The following DNAI4 variants were observed in gnomAD, a reference collection of about 807,000 sequenced individuals.
DNAI4 encodes WD repeat domain 78.
In DNAI4, 85 loss-of-function variants were observed where a neutral mutation model predicts 105.8. The ratio of observed to expected loss-of-function variants is 0.80; its 90% CI spans 0.67 to 0.96. The LOEUF is 0.96. Among genes scored for constraint, DNAI4 ranks in the 40% least tolerant of loss-of-function variants. The pLI is 0.00. For synonymous variants in DNAI4, 352 were observed against 331.5 expected, an observed-to-expected ratio of 1.06 and a Z score of -0.67; for missense variants, 1,014 against 1,005.6, an observed-to-expected ratio of 1.01 and a Z score of -0.11.
intron 13 of DNAI4, among the ~76,000 whole-genome samples, chr1:66,830,501 G>A (rs1044574352): frequency 1.3e-5 from 2 of 151,916 alleles, no homozygotes; most frequent in Non-Finnish European, 2.9e-5. Context: ...ATTAGGCCAG[G>A]CGCGGTGGCC....
At chr1:66,899,259 T>C (rs1306932838) in intron 2 of DNAI4, among the ~76,000 whole-genome samples, 1 of 152,180 alleles carries the variant, frequency 6.6e-6, no homozygotes, top group African/African-American at 2.4e-5. Context: ...TTCTAGCACT[T>C]GTTATGTGAC....
intron 1 of DNAI4, among the ~76,000 whole-genome samples, chr1:66,920,956 T>C (rs941682598): frequency 2.6e-5 from 4 of 152,206 alleles, no homozygotes; most frequent in Non-Finnish European, 5.9e-5. Context: ...ATATTATCTA[T>C]ACAATATGTT....
chr1:66,830,997 T>G (rs1451762000), intron 13 of DNAI4, among the ~76,000 whole-genome samples: 2 of 118,824 alleles, frequency 1.7e-5, no homozygotes, highest in Non-Finnish European at 3.8e-5. Context: ...AAAAAAAAAT[T>G]AGAGGTGAGA....
In DNAI4 at chr1:66,904,908, C is replaced by A. The variant is rs530848352; in HGVS notation, c.345+293G>T. 5.4e-4 allele frequency: 192 copies of A among 353,576 alleles called. 1 individual carries two copies. In the South Asian group the frequency reaches 0.026, roughly 48 times the overall value. The allele number at this position is 353,576 out of a possible 1,614,324, so 21.9% of individuals were successfully genotyped here. On this transcript the variant is annotated intron_variant, in intron 2 of 16. Coordinates refer to ENST00000371026, the MANE Select transcript of DNAI4 (RefSeq NM_024763.5). ...TGTATTTTCAAGACTATATTGCTGA[C>A]AACAGTGAAAGATAGTTGTAATGTA...
chr1:66,833,929 G>A (rs1645923839), intron 12 of DNAI4, 62 bp downstream of exon 12: 1 of 1,522,166 alleles, frequency 6.6e-7, no homozygotes, highest in Non-Finnish European at 8.8e-7. Flanking sequence ...TTCACACATG[G>A]TTAACTAGAA....
chr1:66,835,241 T>TA (rs902806943), intron 11 of DNAI4, among the ~76,000 whole-genome samples: 2 of 148,688 alleles, frequency 1.3e-5, no homozygotes, highest in African/African-American at 4.9e-5. Flanking sequence ...GATAGATAGA[T>TA]AAGATAGATT....
At chr1:66,872,848 G>A (rs1317131563) in intron 5 of DNAI4, among the ~76,000 whole-genome samples, 1 of 151,814 alleles carries the variant, frequency 6.6e-6, no homozygotes, top group Non-Finnish European at 1.5e-5. Context: ...GAGTAGCTGG[G>A]ATTACAGGTG....
At chr1:66,904,931 G>C in intron 2 of DNAI4, 1 of 379,276 alleles carries the variant, frequency 2.6e-6, no homozygotes, top group Non-Finnish European at 4.7e-6. Context: ...TAGTTGTAAT[G>C]TATATAATTA....
chr1:66,843,581 T>A (rs1224908981), intron 8 of DNAI4, among the ~76,000 whole-genome samples: 1 of 152,206 alleles, frequency 6.6e-6, no homozygotes, highest in African/African-American at 2.4e-5. Context: ...ATCATGCATT[T>A]GGTGTTGTAT....
rs1647502799 is a variant in DNAI4 at position 66,890,503 on chromosome 1, AGAG to A, written c.643+648_643+650del. ...AATCCCAGCTACTTGGGAGGCTGAG[AGAG>A]GAGAATTGCTTGAACCCAGGAGGCG... On this transcript the variant is annotated intron_variant, in intron 4 of 16. Transcript: ENST00000371026. The surrounding 1 kb of genome is among the most constrained non-coding windows in gnomAD (Gnocchi z 4.1). 6.5e-6 allele frequency: 1 copy of A among 153,184 alleles called. No homozygotes were observed. The highest frequency in any genetic ancestry group is 2.4e-5 in the African/African-American group (1 of 41,354). 9.5% of individuals were successfully genotyped at this position (153,184 alleles called of 1,614,324 possible). A position where few individuals can be genotyped will look rare whatever the true frequency, so the allele number is the denominator to read the frequency against.
chr1:66,884,558 C>T (rs1647152340), intron 4 of DNAI4, among the ~76,000 whole-genome samples: 1 of 152,180 alleles, frequency 6.6e-6, no homozygotes, highest in African/African-American at 2.4e-5. Context: ...GCTTGCATCT[C>T]AGGGACAAAT....
chr1:66,840,853 G>A (rs989796530), intron 8 of DNAI4, among the ~76,000 whole-genome samples, 182 bp from the exon 9 acceptor site: 3 of 152,324 alleles, frequency 2.0e-5, no homozygotes, highest in African/African-American at 7.2e-5. Context: ...GTCTTCTGCT[G>A]TTCTGGGTTC....
chr1:66,854,790 C>T (rs1036109244), intron 7 of DNAI4, among the ~76,000 whole-genome samples: 5 of 152,040 alleles, frequency 3.3e-5, no homozygotes, highest in Admixed American at 1.3e-4. Flanking sequence ...GGTGGCAGAG[C>T]AAGACTCTGT....
intron 8 of DNAI4, among the ~76,000 whole-genome samples, chr1:66,846,183 T>G (rs1646271055): frequency 6.6e-6 from 1 of 152,130 alleles, no homozygotes; most frequent in Non-Finnish European, 1.5e-5. Flanking sequence ...TTACAACTCT[T>G]TAAATATAGG....
intron 7 of DNAI4, chr1:66,848,030 ATTAAG>A: frequency 2.7e-6 from 1 of 369,412 alleles, no homozygotes. Context: ...ATACTATTGT[ATTAAG>A]TTTTCTCTTG....
At chr1:66,862,451 G>A in intron 6 of DNAI4, 149 bp from the exon 7 acceptor site, 1 of 775,316 alleles carries the variant, frequency 1.3e-6, no homozygotes, top group Admixed American at 3.2e-5. Context: ...GTCCACCTGA[G>A]GCAGGAGGAT....
chr1:66,836,326 AGG>A, intron 10 of DNAI4, among the ~76,000 whole-genome samples: 1 of 147,202 alleles, frequency 6.8e-6, no homozygotes, highest in African/African-American at 2.5e-5. Flanking sequence ...GAAAGAAAGA[AGG>A]AAAGAGGGAA....
At chr1:66,895,534 A>G (rs1036184044) in intron 2 of DNAI4, among the ~76,000 whole-genome samples, 2 of 152,242 alleles carry the variant, frequency 1.3e-5, no homozygotes, top group African/African-American at 4.8e-5. Flanking sequence ...CAAATATTCA[A>G]TCCACAAATA....
intron 2 of DNAI4, among the ~76,000 whole-genome samples, chr1:66,903,684 C>T (rs1446528860): frequency 6.6e-5 from 10 of 152,012 alleles, no homozygotes; most frequent in South Asian, 2.1e-4. Flanking sequence ...TTAGTAGAGA[C>T]GGGGTTTCAC....
Sources: allele counts gnomAD v4.1 joint callset (sites outside exome capture counted in the v4.1 genomes callset), GRCh38; gene constraint gnomAD v4.1.1; non-coding constraint Gnocchi (gnomAD v3.1); transcripts MANE v1.5; gene names NCBI Gene and HGNC (gene_info 2026-07-23, HGNC 2026-07-21).